Variants in UNC80 observed in about 807,000 individuals in gnomAD.
The protein encoded by UNC80 is unc-80 subunit of NALCN channel complex.
In UNC80, 164 loss-of-function variants were observed where a neutral mutation model predicts 384.6. The ratio of observed to expected loss-of-function variants is 0.43; its 90% CI spans 0.38 to 0.49. The LOEUF is 0.49. Ranked by LOEUF, UNC80 falls within the 20% of genes least tolerant of loss-of-function variation. The probability of loss-of-function intolerance (pLI) is 0.00; values close to 1 mark genes in which losing one functional copy is unlikely to be tolerated. For missense variants in UNC80, 3,330 were observed against 4,143.0 expected (o/e 0.80, Z 5.39); for synonymous variants, 1,486 against 1,527.8 (o/e 0.97, Z 0.64).
chr2:209,839,592 CAAT>C lies in UNC80; in HGVS notation c.3250+164_3250+166del, dbSNP rs2081592079. Among the ~76,000 whole-genome samples, 1 of 152,094 alleles carries C rather than the reference CAAT, an allele frequency of 6.6e-6. No homozygotes were observed. The highest frequency in any genetic ancestry group is 2.4e-5 in the African/African-American group (1 of 41,404). ...ATTTAATTTTTCCCACAGTATTTTTCAATACCCTACTATGTGCCTCTTCTGTGT... is the reference window on the plus strand; with the variant it reads ...ATTTAATTTTTCCCACAGTATTTTTCACCCTACTATGTGCCTCTTCTGTGT... On this transcript the variant is annotated intron_variant, in intron 19 of 64. Transcript: ENST00000673920. The surrounding 1 kb of genome is among the most constrained non-coding windows in gnomAD (Gnocchi z 4.1).
chr2:209,783,635 G>A (rs1290236906), intron 4 of UNC80, among the ~76,000 whole-genome samples: 1 of 152,174 alleles, frequency 6.6e-6, no homozygotes, highest in Non-Finnish European at 1.5e-5. Flanking sequence ...ATGACAGTCA[G>A]TGAGTGCTGT....
In UNC80 at chr2:209,877,938, T is replaced by C. The variant is rs1240414042; in HGVS notation, c.3841-16T>C. 1 of 1,516,142 alleles carries C rather than the reference T, an allele frequency of 6.6e-7. No individual in the cohort carries two copies. The highest frequency in any genetic ancestry group is 1.3e-5 in the South Asian group (1 of 78,446). The allele number at this position is 1,516,142 out of a possible 1,614,324, so 93.9% of individuals were successfully genotyped here. A position where few individuals can be genotyped will look rare whatever the true frequency, so the allele number is the denominator to read the frequency against. The stretch of plus-strand genomic sequence containing the variant: ...ACTTAGTTTGTGCTGTTTCATTGTT[T>C]TCCTTCCCATTTTAGGCAATTGGCG... On this transcript the variant is annotated splice_polypyrimidine_tract_variant and intron_variant, in intron 23 of 64. Coordinates refer to ENST00000673920, the MANE Select transcript of UNC80 (RefSeq NM_001371986.1).
intron 7 of UNC80, chr2:209,795,588 T>C (rs373959814): frequency 1.3e-5 from 2 of 152,338 alleles, no homozygotes; most frequent in African/African-American, 4.8e-5. Context: ...AAAAGCAGTT[T>C]CGTGGGCTGG....
intron 22 of UNC80, among the ~76,000 whole-genome samples, chr2:209,867,188 G>A (rs577268257): frequency 3.5e-4 from 54 of 152,210 alleles, no homozygotes; most frequent in Non-Finnish European, 6.6e-4. Flanking sequence ...GTGAGCATGT[G>A]AGAAATGCAA....
chr2:209,809,160 C>G (rs2079148330), intron 7 of UNC80: 2 of 618,300 alleles, frequency 3.2e-6, no homozygotes, highest in East Asian at 2.9e-5. Context: ...AGGCGGAGGC[C>G]GATACCACCT....
intron 28 of UNC80, among the ~76,000 whole-genome samples, chr2:209,897,309 A>G (rs2086895984): frequency 6.6e-6 from 1 of 152,244 alleles, no homozygotes; most frequent in African/African-American, 2.4e-5. Context: ...TCAACACCTA[A>G]GAAATCCTAC....
At chr2:209,854,878 G>T (rs1239077324) in intron 22 of UNC80, among the ~76,000 whole-genome samples, 1 of 152,198 alleles carries the variant, frequency 6.6e-6, no homozygotes, top group African/African-American at 2.4e-5. Flanking sequence ...TACTGTGGAA[G>T]ACAGTGTGGT....
At chr2:209,920,181 A>T (rs1220815081) in intron 33 of UNC80, among the ~76,000 whole-genome samples, 2 of 152,154 alleles carry the variant, frequency 1.3e-5, no homozygotes, top group Non-Finnish European at 2.9e-5. Context: ...AAAAGAAAAA[A>T]AAATGCTCTT....
At chr2:209,791,559 A>G (rs1431336278) in intron 6 of UNC80, among the ~76,000 whole-genome samples, 1 of 151,924 alleles carries the variant, frequency 6.6e-6, no homozygotes, top group East Asian at 1.9e-4. Flanking sequence ...TATCCTTTTA[A>G]GGACCAATTA....
chr2:209,965,750 G>A (rs1290170440), intron 51 of UNC80, among the ~76,000 whole-genome samples: 2 of 151,856 alleles, frequency 1.3e-5, no homozygotes, highest in African/African-American at 2.4e-5. Context: ...ATTTTTGGAG[G>A]TCCTGGGAAA....
intron 47 of UNC80, among the ~76,000 whole-genome samples, chr2:209,953,243 C>A (rs2092268865): frequency 6.6e-6 from 1 of 151,902 alleles, no homozygotes; most frequent in Non-Finnish European, 1.5e-5. Flanking sequence ...CATAGTGAAA[C>A]CCTGTCTCTA....
At chr2:209,907,211 G>A (rs941362923) in intron 29 of UNC80, among the ~76,000 whole-genome samples, 2 of 149,298 alleles carry the variant, frequency 1.3e-5, no homozygotes, top group African/African-American at 5.0e-5. Flanking sequence ...CAGCCAGCCA[G>A]CCGTTCATCT....
chr2:209,913,640 A>G (rs763491337), intron 30 of UNC80, among the ~76,000 whole-genome samples, 162 bp from the exon 31 acceptor site: 2 of 152,180 alleles, frequency 1.3e-5, no homozygotes, highest in Non-Finnish European at 2.9e-5. Context: ...TATAAAGCTT[A>G]TCTATCATAT....
intron 25 of UNC80, among the ~76,000 whole-genome samples, chr2:209,884,836 G>C (rs2085628487): frequency 6.6e-6 from 1 of 152,016 alleles, no homozygotes; most frequent in African/African-American, 2.4e-5. Flanking sequence ...TTATAAGTGG[G>C]AGCTGAACAA....
chr2:209,837,259 G>A (rs1413282648), intron 18 of UNC80, among the ~76,000 whole-genome samples: 1 of 152,104 alleles, frequency 6.6e-6, no homozygotes, highest in African/African-American at 2.4e-5. Context: ...CAAATCAATA[G>A]CTAAAACCCC....
In UNC80 at chr2:209,819,264, A is replaced by G. The variant is rs1310377310; in HGVS notation, c.1962+3A>G. ...AGAATGGAATGCTTGATCTTTCTGT[A>G]AGAAGCAAGAATTTTTCTTACCAAA... On this transcript the variant is annotated splice_donor_region_variant and intron_variant, in intron 12 of 64. Transcript: ENST00000673920. 63 of 1,541,738 alleles carry G rather than the reference A, an allele frequency of 4.1e-5. No homozygotes were observed. The highest frequency in any genetic ancestry group is 5.4e-5 in the Non-Finnish European group (62 of 1,141,518).
intron 13 of UNC80, among the ~76,000 whole-genome samples, chr2:209,821,592 C>T (rs1175304560): frequency 6.6e-6 from 1 of 152,210 alleles, no homozygotes; most frequent in African/African-American, 2.4e-5. Context: ...TCAGCCCTCT[C>T]ATGTCTCAAT....
intron 22 of UNC80, among the ~76,000 whole-genome samples, chr2:209,868,318 C>T (rs1250878130): frequency 2.0e-5 from 3 of 152,148 alleles, no homozygotes; most frequent in Non-Finnish European, 4.4e-5. Context: ...ATGTAATTCC[C>T]TAGGGGCCCA....
chr2:209,994,173 C>T lies in UNC80; in HGVS notation c.9617C>T (p.Pro3206Leu), dbSNP rs1322412413. ...TGQLQGCSPA[P>L]SRKPEAMDEP... ...CAACTACAGGGCTGTAGCCCAGCCCCTTCTAGGAAACCAGAAGCAATGGAC... is the reference window on the plus strand; with the variant it reads ...CAACTACAGGGCTGTAGCCCAGCCCTTTCTAGGAAACCAGAAGCAATGGAC... Residue 3206 changes from proline (P) to leucine (L), a missense_variant, in exon 64 of 65, where the codon CCT becomes CTT. Around this residue, in one of 8 missense-constraint regions of UNC80, gnomAD observed 236 missense variants for 254.9 expected, o/e 0.93. Coordinates refer to ENST00000673920, the MANE Select transcript of UNC80 (RefSeq NM_001371986.1). 6.4e-7 allele frequency: 1 copy of T among 1,551,414 alleles called. No homozygotes were observed. Among genetic ancestry groups the T allele is most frequent in the African/African-American group, 1.4e-5 (1 of 72,984 alleles).
Sources: gnomAD v4.1 joint callset for allele counts (sites outside exome capture counted in the v4.1 genomes callset) on GRCh38, gnomAD v4.1.1 for gene constraint, gnomAD v4.1.1 regional missense constraint, Gnocchi (gnomAD v3.1) non-coding constraint, MANE v1.5 for transcripts, NCBI Gene and HGNC (gene_info 2026-07-23, HGNC 2026-07-21) for gene names.